The following FAAH2 variants were observed in gnomAD, a reference collection of about 807,000 sequenced individuals.
The protein encoded by FAAH2 is fatty acid amide hydrolase 2.
Under a neutral mutation model 36.9 loss-of-function variants are expected in FAAH2, and 60 were observed. That is an observed-to-expected ratio of 1.63 (90% CI 1.32 to 2.02). FAAH2 has a LOEUF of 2.02. Among genes scored for constraint, FAAH2 ranks in the 30% most tolerant of loss-of-function variants. The pLI, the probability that FAAH2 is intolerant of heterozygous loss-of-function variation, is 0.00. For missense variants in FAAH2, 689 were observed against 397.5 expected (o/e 1.73, Z -6.23); for synonymous variants, 214 against 143.8 (o/e 1.49, Z -3.49).
chrX:57,235,143 A>G, the FAAH2 span, among the ~76,000 whole-genome samples: 1 of 111,294 alleles, frequency 9.0e-6, no homozygotes, highest in African/African-American at 3.3e-5. Context: ...AGGTACTGAA[A>G]TTAGTCCCTT....
intron 5 of FAAH2, among the ~76,000 whole-genome samples, chrX:57,347,994 T>G (rs1229119959): frequency 9.0e-6 from 1 of 111,019 alleles, no homozygotes; most frequent in Non-Finnish European, 1.9e-5. Context: ...AGAAATGACC[T>G]CATTGGGTCT....
At chrX:57,142,943 C>T in the FAAH2 span, among the ~76,000 whole-genome samples, 1 of 111,283 alleles carries the variant, frequency 9.0e-6, no homozygotes, top group Admixed American at 9.6e-5. Context: ...ATTTTGGTTT[C>T]CATTTGCATA....
the FAAH2 span, among the ~76,000 whole-genome samples, chrX:57,223,282 C>A: frequency 1.8e-5 from 2 of 111,644 alleles, no homozygotes; most frequent in Non-Finnish European, 3.8e-5. Context: ...AGCCCTCCAA[C>A]CCATGCAAGG....
At chrX:57,204,381 G>A in the FAAH2 span, among the ~76,000 whole-genome samples, 1 of 111,536 alleles carries the variant, frequency 9.0e-6, no homozygotes, top group Non-Finnish European at 1.9e-5. Flanking sequence ...ATTGTTCTCT[G>A]TGTCAGCCAT....
rs919929027 is a variant in FAAH2, at chrX:57,294,934, C to CA, written c.275+2363dup. Among the ~76,000 whole-genome samples, 58 of 108,714 alleles carry CA rather than the reference C, an allele frequency of 5.3e-4. No homozygotes were observed. The South Asian group carries it at 5.8e-3, about 11-fold the overall frequency. The allele number at this position is 108,714 out of a possible 115,157, so 94.4% of individuals were successfully genotyped here. The stretch of plus-strand genomic sequence containing the variant: ...AATAGATGTTTAAGGAATGAAAAAA[C>CA]AAAAAAAAAGTAACACTGAAGTAAC... On this transcript the variant is annotated intron_variant, in intron 2 of 10. Transcript: ENST00000374900.
the FAAH2 span, among the ~76,000 whole-genome samples, chrX:57,209,276 G>T: frequency 1.8e-5 from 2 of 112,049 alleles, no homozygotes; most frequent in African/African-American, 6.5e-5. Flanking sequence ...CCACAGCTTA[G>T]AATGTTCTGA....
At chrX:57,160,268 A>G in the FAAH2 span, among the ~76,000 whole-genome samples, 8 of 111,741 alleles carry the variant, frequency 7.2e-5, no homozygotes, top group Admixed American at 3.8e-4. Flanking sequence ...TTTTGCATCA[A>G]TGTTCATTAG....
the FAAH2 span, among the ~76,000 whole-genome samples, chrX:57,225,872 C>A: frequency 8.9e-6 from 1 of 111,857 alleles, no homozygotes; most frequent in South Asian, 3.7e-4. Flanking sequence ...TGTATCAGGC[C>A]TTTTTACCAT....
intron 4 of FAAH2, among the ~76,000 whole-genome samples, chrX:57,335,204 C>T (rs1344692342): frequency 1.8e-5 from 2 of 111,473 alleles, no homozygotes; most frequent in Non-Finnish European, 3.8e-5. Context: ...GGGCGTTTCT[C>T]GTTAGGTGGA....
At chrX:57,179,329 C>T in the FAAH2 span, among the ~76,000 whole-genome samples, 1 of 111,830 alleles carries the variant, frequency 8.9e-6, no homozygotes, top group East Asian at 2.8e-4. Context: ...CAGAGTGGCA[C>T]ATTGGACAAA....
chrX:57,279,133 A>G, the FAAH2 span, among the ~76,000 whole-genome samples: 162 of 112,517 alleles, frequency 1.4e-3, no homozygotes, highest in Non-Finnish European at 2.2e-3. Flanking sequence ...AAATCATTCT[A>G]TGATAAAGAA....
At chrX:57,145,596 A>G in the FAAH2 span, among the ~76,000 whole-genome samples, 3 of 111,666 alleles carry the variant, frequency 2.7e-5, no homozygotes, top group Admixed American at 9.5e-5. Context: ...TTTTAGTTGC[A>G]TTCGCTTTTG....
intron 7 of FAAH2, among the ~76,000 whole-genome samples, chrX:57,411,131 G>A (rs2055689170): frequency 8.9e-6 from 1 of 111,936 alleles, no homozygotes; most frequent in Non-Finnish European, 1.9e-5. Flanking sequence ...GAGGCGTTCA[G>A]ACCTTTTCCA....
the FAAH2 span, among the ~76,000 whole-genome samples, chrX:57,215,715 A>G: frequency 9.1e-6 from 1 of 109,968 alleles, no homozygotes; most frequent in East Asian, 2.9e-4. Context: ...TAACACGGGA[A>G]CAGGACACCA....
At chrX:57,388,022 T>A (rs1360764528) in intron 7 of FAAH2, among the ~76,000 whole-genome samples, 3 of 111,059 alleles carry the variant, frequency 2.7e-5, no homozygotes, top group Non-Finnish European at 3.8e-5. Context: ...GCAATTAAAA[T>A]CAAATTAGCA....
chrX:57,172,728 T>C, the FAAH2 span, among the ~76,000 whole-genome samples: 1 of 111,886 alleles, frequency 8.9e-6, no homozygotes, highest in African/African-American at 3.3e-5. Context: ...GTCAGTGGCC[T>C]GGGCTCTCCT....
In FAAH2 at chrX:57,448,534, G is replaced by T. The variant is rs369070838; in HGVS notation, c.1239G>T (p.Leu413Phe). 1 of 1,207,632 alleles carries T rather than the reference G, an allele frequency of 8.3e-7. No homozygotes were observed. Among genetic ancestry groups the T allele is most frequent in the Non-Finnish European group, 1.1e-6 (1 of 894,238 alleles). ...VYTIPSIGLA[L>F]LEEKLRYSNE... ...GATATCATTCTGTAGGACTGGCTTT[G>T]TTGGAAGAAAAGCTCAGATATAGCA... The change falls in exon 10 of 11, where the codon TTG (leucine) becomes TTT (phenylalanine). Residue 413 changes from leucine (L) to phenylalanine (F), a missense_variant. Coordinates refer to ENST00000374900, the MANE Select transcript of FAAH2 (RefSeq NM_174912.4).
At chrX:57,232,216 G>A in the FAAH2 span, among the ~76,000 whole-genome samples, 1 of 111,904 alleles carries the variant, frequency 8.9e-6, no homozygotes, top group South Asian at 3.7e-4. Flanking sequence ...ATTCCATTTG[G>A]ATTTGACATA....
At chrX:57,408,913 A>G (rs1472642969) in intron 7 of FAAH2, among the ~76,000 whole-genome samples, 2 of 111,508 alleles carry the variant, frequency 1.8e-5, no homozygotes, top group Non-Finnish European at 3.8e-5. Flanking sequence ...ACTATGGGAT[A>G]CATTTGTAGA....
Sources: gnomAD v4.1 joint callset for allele counts (sites outside exome capture counted in the v4.1 genomes callset) on GRCh38, gnomAD v4.1.1 for gene constraint, MANE v1.5 for transcripts, NCBI Gene and HGNC (gene_info 2026-07-23, HGNC 2026-07-21) for gene names.